The following NLGN1 variants were observed in gnomAD, a reference collection of about 807,000 sequenced individuals.
The protein encoded by NLGN1 is neuroligin-1.
In NLGN1, 12 loss-of-function variants were observed where a neutral mutation model predicts 65.5. The observed-to-expected ratio is 0.18, with a 90% CI of 0.12 to 0.30. NLGN1 has a LOEUF of 0.30. Ranked by LOEUF, NLGN1 falls within the 10% of genes least tolerant of loss-of-function variation. The pLI is 1.00. For missense variants in NLGN1, 750 were observed against 1,007.1 expected (o/e 0.74, Z 3.46); for synonymous variants, 350 against 359.5 (o/e 0.97, Z 0.30).
intron 4 of NLGN1, among the ~76,000 whole-genome samples, chr3:173,818,484 C>G (rs556324684): frequency 1.3e-5 from 2 of 152,032 alleles, no homozygotes; most frequent in Non-Finnish European, 2.9e-5. Context: ...CAGAACAAAT[C>G]GTTTAAAAAA....
intron 4 of NLGN1, among the ~76,000 whole-genome samples, chr3:174,001,981 A>G (rs1723383416): frequency 6.6e-6 from 1 of 152,096 alleles, no homozygotes; most frequent in Non-Finnish European, 1.5e-5. Context: ...ATGGATAAAA[A>G]GATGCCATAG....
At chr3:173,584,698 T>A (rs910290044) in intron 2 of NLGN1, 4 of 150,074 alleles carry the variant, frequency 2.7e-5, no homozygotes, top group Non-Finnish European at 3.0e-5. Context: ...TGGCTTTGGG[T>A]CCCCAGGATT....
intron 4 of NLGN1, among the ~76,000 whole-genome samples, chr3:173,922,825 G>A (rs73037240): frequency 0.047 from 7,155 of 152,092 alleles, 555 homozygotes; most frequent in African/African-American, 0.16. Flanking sequence ...AACTGACATA[G>A]CAGGTAGACT....
intron 4 of NLGN1, among the ~76,000 whole-genome samples, chr3:174,020,248 ATGTT>A (rs1727478997): frequency 6.6e-6 from 1 of 152,074 alleles, no homozygotes; most frequent in Admixed American, 6.6e-5. Context: ...TCTGTAATAA[ATGTT>A]TGAGGAAGCG....
intron 3 of NLGN1, among the ~76,000 whole-genome samples, chr3:173,749,530 A>G (rs1373417067): frequency 4.6e-5 from 7 of 152,088 alleles, no homozygotes; most frequent in Non-Finnish European, 1.0e-4. Flanking sequence ...TTGAATGCCA[A>G]TCAATCAAAC....
intron 4 of NLGN1, among the ~76,000 whole-genome samples, chr3:174,015,878 A>G (rs950901441): frequency 2.6e-5 from 4 of 152,196 alleles, no homozygotes; most frequent in Admixed American, 2.0e-4. Flanking sequence ...AATGAGAGTA[A>G]AGGAAATAGA....
chr3:174,092,573 A>C (rs1744723977), intron 4 of NLGN1, among the ~76,000 whole-genome samples: 2 of 151,812 alleles, frequency 1.3e-5, no homozygotes, highest in Admixed American at 6.6e-5. Context: ...TCTATTTTTG[A>C]GATAAACCAA....
chr3:174,154,648 G>A (rs779979187), intron 4 of NLGN1, among the ~76,000 whole-genome samples: 3 of 151,720 alleles, frequency 2.0e-5, no homozygotes. Flanking sequence ...AGCAAGATAA[G>A]TCAGACTTTG....
upstream of NLGN1, among the ~76,000 whole-genome samples, chr3:173,397,478 G>A (rs1256699023): frequency 3.3e-5 from 5 of 151,994 alleles, no homozygotes; most frequent in Non-Finnish European, 1.5e-5. Context: ...CTCCAGCCCC[G>A]GCAGTTTGTA....
chr3:173,587,368 T>G (rs1472437059), intron 2 of NLGN1, among the ~76,000 whole-genome samples: 1 of 152,120 alleles, frequency 6.6e-6, no homozygotes, highest in Non-Finnish European at 1.5e-5. Flanking sequence ...ACTTTGTAGG[T>G]AGTAAATCCA....
intron 1 of NLGN1, among the ~76,000 whole-genome samples, chr3:173,419,005 AG>A (rs1714392668): frequency 1.1e-4 from 2 of 18,134 alleles, no homozygotes; most frequent in African/African-American, 4.3e-4. Flanking sequence ...TCTGTTCTTT[AG>A]CTTTCTTCTT....
chr3:173,882,852 C>G (rs1244924229), intron 4 of NLGN1, among the ~76,000 whole-genome samples: 2 of 151,724 alleles, frequency 1.3e-5, no homozygotes, highest in Admixed American at 6.6e-5. Flanking sequence ...TAACTTTCAC[C>G]CTATCTTGAC....
At chr3:173,511,297 C>T (rs1339089751) in intron 2 of NLGN1, among the ~76,000 whole-genome samples, 1 of 152,048 alleles carries the variant, frequency 6.6e-6, no homozygotes, top group East Asian at 1.9e-4. Context: ...AAAAAAGGTT[C>T]CCATATGTCC....
chr3:173,525,140 G>C (rs969275137), intron 2 of NLGN1, among the ~76,000 whole-genome samples: 1 of 152,048 alleles, frequency 6.6e-6, no homozygotes, highest in Non-Finnish European at 1.5e-5. Flanking sequence ...TCTTTCTTGA[G>C]TTTTTGAAAT....
chr3:173,915,065 T>G (rs958342355), intron 4 of NLGN1: 5 of 152,240 alleles, frequency 3.3e-5, no homozygotes, highest in Admixed American at 6.6e-5. Flanking sequence ...ACTTGGGCTC[T>G]TAAGATTAGC....
chr3:174,201,647 C>G (rs749574757), intron 4 of NLGN1, among the ~76,000 whole-genome samples: 19 of 133,284 alleles, frequency 1.4e-4, no homozygotes, highest in Non-Finnish European at 2.3e-4. Flanking sequence ...AGAAAATCCT[C>G]AAGTTCATTG....
At chr3:174,218,487 C>G (rs1390711727) in intron 4 of NLGN1, among the ~76,000 whole-genome samples, 1 of 151,914 alleles carries the variant, frequency 6.6e-6, no homozygotes, top group African/African-American at 2.4e-5. Flanking sequence ...CTTTGCTTCT[C>G]AGCACAAACC....
At chr3:173,526,625 T>G (rs1735686304) in intron 2 of NLGN1, among the ~76,000 whole-genome samples, 1 of 152,174 alleles carries the variant, frequency 6.6e-6, no homozygotes, top group Non-Finnish European at 1.5e-5. Flanking sequence ...ACTCTTTTAG[T>G]GATTTTTAAA....
At chr3:173,578,190 C>T (rs1028764009) in intron 2 of NLGN1, among the ~76,000 whole-genome samples, 27 of 150,246 alleles carry the variant, frequency 1.8e-4, no homozygotes, top group African/African-American at 5.1e-4. Context: ...GAGCTGAGAT[C>T]GCACCACTGC....
Sources: gnomAD v4.1 joint callset for allele counts (sites outside exome capture counted in the v4.1 genomes callset) on GRCh38, gnomAD v4.1.1 for gene constraint, MANE v1.5 for transcripts, NCBI Gene and HGNC (gene_info 2026-07-23, HGNC 2026-07-21) for gene names.